The following GRID2 variants were observed in gnomAD, a reference collection of about 807,000 sequenced individuals.
GRID2 encodes the protein glutamate ionotropic receptor delta type subunit 2, also known as glutamate receptor ionotropic, delta-2.
Under a neutral mutation model 114.8 loss-of-function variants are expected in GRID2, and 33 were observed. The observed-to-expected ratio is 0.29, with a 90% CI of 0.22 to 0.38. The LOEUF is 0.38. GRID2 is among the 10% of genes least tolerant of loss of function. The pLI is 1.00. For missense variants in GRID2, 1,184 were observed against 1,257.7 expected (o/e 0.94, Z 0.89); for synonymous variants, 505 against 449.9 (o/e 1.12, Z -1.55).
rs183406212 is a variant in GRID2, at chr4:93,512,360, T to C, written c.1998-2856T>C. On this transcript the variant is annotated intron_variant, in intron 12 of 15. Transcript: ENST00000282020. ...GGCTACAGCATTTCTGCTAATCTTG[T>C]TCTAAACTCTTCTTAGTATGAAAAA... Among the ~76,000 whole-genome samples, 11 of 152,326 alleles carry C rather than the reference T, an allele frequency of 7.2e-5. No homozygotes were observed. The East Asian group carries it at 1.4e-3, about 19-fold the overall frequency.
chr4:93,342,127 C>T (rs1759725895), intron 8 of GRID2, among the ~76,000 whole-genome samples: 1 of 152,138 alleles, frequency 6.6e-6, no homozygotes, highest in South Asian at 2.1e-4. Flanking sequence ...CACTCTACTA[C>T]TAAAAACTCT....
intron 4 of GRID2, among the ~76,000 whole-genome samples, chr4:93,196,356 TG>T (rs1289690716): frequency 6.6e-6 from 1 of 152,168 alleles, no homozygotes; most frequent in Non-Finnish European, 1.5e-5. Flanking sequence ...AAGACGGACA[TG>T]GAAATTCACC....
chr4:93,529,305 A>G (rs1361354951), intron 13 of GRID2, among the ~76,000 whole-genome samples: 1 of 152,178 alleles, frequency 6.6e-6, no homozygotes, highest in East Asian at 1.9e-4. Context: ...ATCTTCTGAG[A>G]ATCACTCTTC....
intron 11 of GRID2, among the ~76,000 whole-genome samples, chr4:93,461,826 A>G (rs754383443): frequency 1.1e-4 from 16 of 152,170 alleles, no homozygotes; most frequent in Non-Finnish European, 1.9e-4. Context: ...CCATGTCTAC[A>G]TACATCTCCT....
chr4:93,492,195 A>T (rs1288092246), intron 12 of GRID2, among the ~76,000 whole-genome samples: 1 of 151,928 alleles, frequency 6.6e-6, no homozygotes, highest in East Asian at 1.9e-4. Context: ...AAATGAGTAA[A>T]ATTATGAAAA....
At chr4:92,661,645 C>T (rs937849937) in intron 2 of GRID2, among the ~76,000 whole-genome samples, 8 of 150,886 alleles carry the variant, frequency 5.3e-5, no homozygotes, top group Admixed American at 4.0e-4. Flanking sequence ...ATTGATTACC[C>T]AACTTTGGAA....
At chr4:93,003,967 TG>T (rs1185544896) in intron 2 of GRID2, among the ~76,000 whole-genome samples, 1 of 151,936 alleles carries the variant, frequency 6.6e-6, no homozygotes, top group African/African-American at 2.4e-5. Context: ...GGCTTGTGTG[TG>T]GGTGGATTTG....
At chr4:92,759,885 C>T (rs1211411779) in intron 2 of GRID2, among the ~76,000 whole-genome samples, 1 of 151,644 alleles carries the variant, frequency 6.6e-6, no homozygotes, top group Middle Eastern at 3.2e-3. Context: ...CTCAGCCTCC[C>T]AAAGTGCTGG....
At chr4:92,327,796 C>T (rs187387921) in intron 1 of GRID2, among the ~76,000 whole-genome samples, 24 of 151,918 alleles carry the variant, frequency 1.6e-4, no homozygotes, top group African/African-American at 4.6e-4. Context: ...TTTCTGAACA[C>T]GTATTCTTTG....
intron 4 of GRID2, among the ~76,000 whole-genome samples, chr4:93,202,801 G>T (rs1346742028): frequency 1.3e-5 from 2 of 152,024 alleles, no homozygotes; most frequent in Non-Finnish European, 2.9e-5. Flanking sequence ...CTCCATATTA[G>T]CTCAATTTGA....
chr4:92,585,589 T>C (rs919848558), intron 1 of GRID2, among the ~76,000 whole-genome samples: 1 of 151,966 alleles, frequency 6.6e-6, no homozygotes, highest in Non-Finnish European at 1.5e-5. Flanking sequence ...CACAACTTGA[T>C]AAGGTTGTTA....
chr4:92,555,647 T>C (rs1726814004), intron 1 of GRID2, among the ~76,000 whole-genome samples: 3 of 152,154 alleles, frequency 2.0e-5, no homozygotes, highest in African/African-American at 7.2e-5. Context: ...CTTTTTAACT[T>C]CTCGTCTGTG....
At chr4:93,342,971 G>T (rs1759817487) in intron 8 of GRID2, among the ~76,000 whole-genome samples, 1 of 152,114 alleles carries the variant, frequency 6.6e-6, no homozygotes, top group South Asian at 2.1e-4. Flanking sequence ...AAGCTTAAGT[G>T]CAAGAGACAT....
intron 2 of GRID2, among the ~76,000 whole-genome samples, chr4:92,928,010 G>T (rs2149516205): frequency 6.6e-6 from 1 of 151,664 alleles, no homozygotes; most frequent in East Asian, 1.9e-4. Flanking sequence ...TTCAGATTTG[G>T]GTTTTTGGAT....
At chr4:92,998,519 TAGTA>T in intron 2 of GRID2, among the ~76,000 whole-genome samples, 1 of 152,084 alleles carries the variant, frequency 6.6e-6, no homozygotes, top group South Asian at 2.1e-4. Flanking sequence ...AATTGCAGTG[TAGTA>T]CCACATGCAT....
At chr4:93,722,769 A>G (rs527849504) in intron 14 of GRID2, among the ~76,000 whole-genome samples, 4 of 152,284 alleles carry the variant, frequency 2.6e-5, no homozygotes, top group South Asian at 4.1e-4. Context: ...ATATTTTATC[A>G]TACACTAGTT....
rs1202793176 is a variant in GRID2, at chr4:93,772,505, A to G, written c.*7A>G. 21 of 1,551,802 alleles carry G rather than the reference A, an allele frequency of 1.4e-5. No individual in the cohort carries two copies. Among genetic ancestry groups the G allele is most frequent in the Non-Finnish European group, 1.7e-5 (19 of 1,149,460 alleles). On this transcript the variant is annotated 3_prime_UTR_variant, in exon 16 of 16. Transcript: ENST00000282020. ...CCGAGGCACCTCCATATGAGCATCA[A>G]ACAAATCTCTTCACTGTTTCTTTTT... is the stretch of plus-strand genomic sequence containing the variant.
At chr4:93,084,579 A>T (rs1220872938) in intron 2 of GRID2, among the ~76,000 whole-genome samples, 1 of 152,194 alleles carries the variant, frequency 6.6e-6, no homozygotes, top group Non-Finnish European at 1.5e-5. Context: ...GAAACCTTGT[A>T]TTATGCCTTC....
At chr4:92,359,742 C>G (rs1266845302) in intron 1 of GRID2, among the ~76,000 whole-genome samples, 1 of 151,944 alleles carries the variant, frequency 6.6e-6, no homozygotes, top group African/African-American at 2.4e-5. Flanking sequence ...CACACCTGCT[C>G]TGCTTGCTTG....
Sources: gnomAD v4.1 joint callset for allele counts (sites outside exome capture counted in the v4.1 genomes callset) on GRCh38, gnomAD v4.1.1 for gene constraint, MANE v1.5 for transcripts, NCBI Gene and HGNC (gene_info 2026-07-23, HGNC 2026-07-21) for gene names.